The following PEAK1 variants were observed in gnomAD, a reference collection of about 807,000 sequenced individuals.
PEAK1 encodes the protein inactive tyrosine-protein kinase PEAK1.
In PEAK1, 54 loss-of-function variants were observed where a neutral mutation model predicts 124.7. The observed-to-expected ratio is 0.43, with a 90% CI of 0.35 to 0.54. The LOEUF (loss-of-function observed/expected upper bound fraction) is 0.54, where lower values mean the gene tolerates loss of function less well. Among genes scored for constraint, PEAK1 ranks in the 20% least tolerant of loss-of-function variants. PEAK1 has a pLI of 0.01. For missense variants in PEAK1, 2,046 were observed against 2,134.5 expected (o/e 0.96, Z 0.82); for synonymous variants, 719 against 760.0 (o/e 0.95, Z 0.89).
rs960389891 is a variant in PEAK1 at position 77,336,080 on chromosome 15, C to T, written c.-603+29083G>A. ...GAATAACAGTGCCATTAAAAGACTG[C>T]TATGAAAGACTAAACAGTGAGTGCC... is the stretch of plus-strand genomic sequence containing the variant. On this transcript the variant is annotated intron_variant, in intron 2 of 9. Coordinates refer to ENST00000682557, the MANE Select transcript of PEAK1 (RefSeq NM_001385026.1). 5.1e-6 allele frequency: 5 copies of T among 985,246 alleles called. No individual in the cohort carries two copies. The East Asian group carries it at 4.5e-4, about 89-fold the overall frequency. The allele number at this position is 985,246 out of a possible 1,614,324, so 61.0% of individuals were successfully genotyped here.
chr15:77,244,108 G>C (rs541729211), intron 6 of PEAK1, among the ~76,000 whole-genome samples: 8 of 152,080 alleles, frequency 5.3e-5, no homozygotes, highest in African/African-American at 1.9e-4. Context: ...CATTCCTACA[G>C]AGTTTGGTAG....
At chr15:77,172,279 C>A (rs1173904448) in intron 7 of PEAK1, among the ~76,000 whole-genome samples, 3 of 152,042 alleles carry the variant, frequency 2.0e-5, no homozygotes, top group African/African-American at 7.2e-5. Context: ...TAATGCAGAT[C>A]CTCTAAATGT....
intron 5 of PEAK1, among the ~76,000 whole-genome samples, chr15:77,261,025 C>A (rs531800133): frequency 3.9e-5 from 6 of 152,264 alleles, no homozygotes; most frequent in African/African-American, 1.4e-4. Context: ...CTGGAGAGGA[C>A]CCCCAGCAAA....
intron 2 of PEAK1, among the ~76,000 whole-genome samples, chr15:77,311,818 C>T (rs1045258218): frequency 6.6e-6 from 1 of 151,776 alleles, no homozygotes; most frequent in Non-Finnish European, 1.5e-5. Flanking sequence ...AGCTGGATAG[C>T]CACGCAGGTT....
chr15:77,380,482 T>G (rs2069386322), intron 1 of PEAK1, among the ~76,000 whole-genome samples: 1 of 152,070 alleles, frequency 6.6e-6, no homozygotes, highest in Non-Finnish European at 1.5e-5. Context: ...AGAAAATCAG[T>G]TTTTTGAATT....
intron 2 of PEAK1, chr15:77,347,783 T>A: frequency 1.1e-5 from 11 of 984,210 alleles, no homozygotes; most frequent in Non-Finnish European, 1.2e-5. Flanking sequence ...ATTTAGTGAG[T>A]GTATAGATCA....
intron 2 of PEAK1, among the ~76,000 whole-genome samples, chr15:77,340,239 G>A (rs2066445499): frequency 6.6e-6 from 1 of 152,122 alleles, no homozygotes; most frequent in Admixed American, 6.5e-5. Flanking sequence ...CCTTCAATAG[G>A]TATGGATAAA....
At chr15:77,378,188 T>TTTTATA (rs1555497620) in intron 1 of PEAK1, among the ~76,000 whole-genome samples, 1 of 129,694 alleles carries the variant, frequency 7.7e-6, no homozygotes, top group Non-Finnish European at 1.7e-5. Context: ...TATAACAATA[T>TTTTATA]TATATATATA....
At chr15:77,143,518 C>T (rs1419802943) in intron 8 of PEAK1, among the ~76,000 whole-genome samples, 1 of 152,162 alleles carries the variant, frequency 6.6e-6, no homozygotes, top group Non-Finnish European at 1.5e-5. Flanking sequence ...CCCGATATAC[C>T]TGTTTCTCGT....
At chr15:77,328,058 T>C (rs1379413713) in intron 2 of PEAK1, among the ~76,000 whole-genome samples, 2 of 152,190 alleles carry the variant, frequency 1.3e-5, no homozygotes, top group African/African-American at 4.8e-5. Flanking sequence ...ACTACTCTGA[T>C]CTGATAATGG....
At chr15:77,357,619 CAAAA>C (rs1314010746) in intron 2 of PEAK1, among the ~76,000 whole-genome samples, 1 of 152,052 alleles carries the variant, frequency 6.6e-6, no homozygotes, top group African/African-American at 2.4e-5. Flanking sequence ...TCTCACAGAT[CAAAA>C]TAAACTCCAT....
intron 7 of PEAK1, among the ~76,000 whole-genome samples, chr15:77,163,135 C>A (rs1296228971): frequency 6.6e-6 from 1 of 152,166 alleles, no homozygotes; most frequent in Non-Finnish European, 1.5e-5. Context: ...TTGTCCTGAA[C>A]CTTCAGCGTT....
chr15:77,268,344 T>C (rs1166000411), intron 5 of PEAK1, among the ~76,000 whole-genome samples: 1 of 151,964 alleles, frequency 6.6e-6, no homozygotes, highest in Admixed American at 6.6e-5. Flanking sequence ...TGTGGTGGTG[T>C]GTGCCTGTAA....
At position 77,108,664 on chromosome 15, in the gene PEAK1, A is replaced by T. The variant is rs1327362674; in HGVS notation, c.*5492T>A. ...TCATGAGTGCGGACACACACATACT[A>T]TCCACACACTAACGGGCAAAGTGGG... On this transcript the variant is annotated 3_prime_UTR_variant, in exon 10 of 10. Transcript: ENST00000682557. 2 of 152,228 alleles carry T rather than the reference A, an allele frequency of 1.3e-5. No individual in the cohort carries two copies. The highest frequency in any genetic ancestry group is 4.8e-5 in the African/African-American group (2 of 41,460). The allele number at this position is 152,228 out of a possible 1,614,324, so 9.4% of individuals were successfully genotyped here. A position where few individuals can be genotyped will look rare whatever the true frequency, so the allele number is the denominator to read the frequency against.
intron 2 of PEAK1, among the ~76,000 whole-genome samples, chr15:77,321,716 C>G (rs548716309): frequency 6.6e-6 from 1 of 152,126 alleles, no homozygotes. Context: ...GTGTTTTAGA[C>G]GTGAAGTCCT....
At chr15:77,155,165 T>C (rs1295265464) in intron 8 of PEAK1, 1 of 152,232 alleles carries the variant, frequency 6.6e-6, no homozygotes, top group East Asian at 1.9e-4. Context: ...CCATATTTCT[T>C]GGAGGCTTTG....
chr15:77,172,997 T>A (rs2056613909), intron 7 of PEAK1, among the ~76,000 whole-genome samples: 1 of 152,084 alleles, frequency 6.6e-6, no homozygotes, highest in African/African-American at 2.4e-5. Flanking sequence ...CAGGTGATCC[T>A]CCTGCCTCAG....
intron 1 of PEAK1, among the ~76,000 whole-genome samples, chr15:77,387,926 C>T (rs571102555): frequency 6.6e-6 from 1 of 152,282 alleles, no homozygotes; most frequent in Admixed American, 6.5e-5. Context: ...TCTTGACAAA[C>T]CCAGAAGTCA....
At chr15:77,219,101 T>C (rs538230968) in intron 6 of PEAK1, among the ~76,000 whole-genome samples, 2 of 152,302 alleles carry the variant, frequency 1.3e-5, no homozygotes, top group South Asian at 4.1e-4. Context: ...ATCATATCTA[T>C]ATTCTAAATT....
Sources: allele counts gnomAD v4.1 joint callset (sites outside exome capture counted in the v4.1 genomes callset), GRCh38; gene constraint gnomAD v4.1.1; transcripts MANE v1.5; gene names NCBI Gene and HGNC (gene_info 2026-07-23, HGNC 2026-07-21).